Variants in NXPH1 observed in about 807,000 individuals in gnomAD.
NXPH1 encodes the protein neurexophilin-1.
NXPH1 carries 5 observed loss-of-function variants against 23.7 expected under a neutral mutation model. The ratio of observed to expected loss-of-function variants is 0.21; its 90% CI spans 0.11 to 0.44. The LOEUF is 0.44. NXPH1 is among the 20% of genes least tolerant of loss of function. NXPH1 has a pLI of 0.99. For synonymous variants in NXPH1, 144 were observed against 122.2 expected (o/e 1.18, Z -1.18); for missense variants, 324 against 321.6 (o/e 1.01, Z -0.06).
intron 2 of NXPH1, among the ~76,000 whole-genome samples, chr7:8,679,915 G>A (rs1821025536): frequency 6.6e-6 from 1 of 152,248 alleles, no homozygotes; most frequent in Non-Finnish European, 1.5e-5. Flanking sequence ...TAACTACTAA[G>A]GAGGCTGAGG....
At chr7:8,732,209 G>T (rs1424832914) in intron 2 of NXPH1, among the ~76,000 whole-genome samples, 1 of 152,194 alleles carries the variant, frequency 6.6e-6, no homozygotes, top group Admixed American at 6.5e-5. Context: ...CTCGTGCATG[G>T]TGCGCGCACC....
At chr7:8,461,206 T>G (rs1816688520) in intron 2 of NXPH1, among the ~76,000 whole-genome samples, 1 of 152,178 alleles carries the variant, frequency 6.6e-6, no homozygotes, top group South Asian at 2.1e-4. Flanking sequence ...TTGTTCAGTT[T>G]TCAATTCTCC....
chr7:8,459,202 G>C (rs950392457), intron 2 of NXPH1, among the ~76,000 whole-genome samples: 23 of 151,866 alleles, frequency 1.5e-4, no homozygotes, highest in African/African-American at 5.3e-4. Flanking sequence ...ATGGAAAGTG[G>C]TTAATGAGGA....
chr7:8,632,841 C>CCA (rs1286453239), intron 2 of NXPH1, among the ~76,000 whole-genome samples: 1 of 152,098 alleles, frequency 6.6e-6, no homozygotes, highest in African/African-American at 2.4e-5. Flanking sequence ...TTTTATTGAA[C>CCA]CACAGTCTAC....
At chr7:8,496,854 T>C (rs551314937) in intron 2 of NXPH1, among the ~76,000 whole-genome samples, 106 of 152,188 alleles carry the variant, frequency 7.0e-4, no homozygotes, top group Non-Finnish European at 8.1e-4. Context: ...AGGAGGTAGG[T>C]AGGTAAATAA....
chr7:8,706,822 G>C (rs1199181284), intron 2 of NXPH1, among the ~76,000 whole-genome samples: 3 of 152,198 alleles, frequency 2.0e-5, no homozygotes, highest in Admixed American at 2.0e-4. Context: ...GAGGGAGGAG[G>C]AGTCCCTCTT....
chr7:8,589,542 A>G (rs1241014592), intron 2 of NXPH1, among the ~76,000 whole-genome samples: 1 of 152,058 alleles, frequency 6.6e-6, no homozygotes, highest in Non-Finnish European at 1.5e-5. Flanking sequence ...ATACCTAGCA[A>G]AAAGTGAGGG....
intron 2 of NXPH1, among the ~76,000 whole-genome samples, chr7:8,485,295 C>G (rs1006490556): frequency 1.3e-5 from 2 of 151,972 alleles, no homozygotes; most frequent in Admixed American, 6.6e-5. Context: ...GATTGTGAGC[C>G]CTCCCCAGAC....
intron 2 of NXPH1, among the ~76,000 whole-genome samples, chr7:8,500,102 G>T (rs1351978680): frequency 6.6e-6 from 1 of 152,036 alleles, no homozygotes; most frequent in Admixed American, 6.6e-5. Flanking sequence ...CTGCATCCAG[G>T]TATAAACTCA....
chr7:8,467,826 A>G (rs1223136862), intron 2 of NXPH1, among the ~76,000 whole-genome samples: 3 of 152,138 alleles, frequency 2.0e-5, no homozygotes, highest in African/African-American at 7.2e-5. Flanking sequence ...AGAAGAAAGG[A>G]GTTATCAGGT....
chr7:8,479,194 A>G (rs1024278844), intron 2 of NXPH1, among the ~76,000 whole-genome samples: 3 of 152,112 alleles, frequency 2.0e-5, no homozygotes, highest in African/African-American at 7.2e-5. Flanking sequence ...AATAAAATGA[A>G]TATAAGGAAT....
intron 2 of NXPH1, among the ~76,000 whole-genome samples, chr7:8,459,637 A>G (rs887225597): frequency 2.0e-5 from 3 of 152,180 alleles, no homozygotes; most frequent in African/African-American, 7.2e-5. Flanking sequence ...ATTCCAGTCT[A>G]CTAAACTTTT....
At chr7:8,701,520 GTCTTA>G (rs1779623276) in intron 2 of NXPH1, among the ~76,000 whole-genome samples, 1 of 152,056 alleles carries the variant, frequency 6.6e-6, no homozygotes, top group Non-Finnish European at 1.5e-5. Context: ...TAATGCGGCT[GTCTTA>G]TCTTTATTCC....
At chr7:8,457,418 AG>A in intron 2 of NXPH1, among the ~76,000 whole-genome samples, 1 of 152,202 alleles carries the variant, frequency 6.6e-6, no homozygotes, top group Non-Finnish European at 1.5e-5. Flanking sequence ...GCAAAGAATC[AG>A]GGTGCCTGTG....
intron 2 of NXPH1, among the ~76,000 whole-genome samples, chr7:8,548,821 A>G (rs1006140101): frequency 3.3e-5 from 5 of 151,556 alleles, no homozygotes. Flanking sequence ...TAAGTAGTCA[A>G]TAAATACTGG....
At chr7:8,567,131 A>G (rs996707248) in intron 2 of NXPH1, among the ~76,000 whole-genome samples, 3 of 151,838 alleles carry the variant, frequency 2.0e-5, no homozygotes, top group Non-Finnish European at 4.4e-5. Flanking sequence ...GGTCCCTTAT[A>G]CTGTTAGTTT....
intron 2 of NXPH1, among the ~76,000 whole-genome samples, chr7:8,531,200 A>G (rs1159537105): frequency 6.6e-6 from 1 of 152,148 alleles, no homozygotes; most frequent in African/African-American, 2.4e-5. Context: ...TCACTTAGTA[A>G]ATCCTCCATA....
At chr7:8,642,351 G>A (rs1456005568) in intron 2 of NXPH1, among the ~76,000 whole-genome samples, 2 of 152,006 alleles carry the variant, frequency 1.3e-5, no homozygotes, top group Non-Finnish European at 2.9e-5. Context: ...TTATCATTTC[G>A]AATATTTTGT....
chr7:8,465,597 G>A (rs770873393), intron 2 of NXPH1, among the ~76,000 whole-genome samples: 12 of 152,168 alleles, frequency 7.9e-5, no homozygotes, highest in Non-Finnish European at 1.8e-4. Context: ...GCAAAGCAGG[G>A]GGCATTTTCA....
Sources: allele counts gnomAD v4.1 joint callset (sites outside exome capture counted in the v4.1 genomes callset), GRCh38; gene constraint gnomAD v4.1.1; transcripts MANE v1.5; gene names NCBI Gene and HGNC (gene_info 2026-07-23, HGNC 2026-07-21).